Variants in ASB3 observed in about 807,000 individuals in gnomAD.
ASB3 encodes the protein ankyrin repeat and SOCS box containing 3.
Under a neutral mutation model 54.5 loss-of-function variants are expected in ASB3, and 41 were observed. That is an observed-to-expected ratio of 0.75 (90% CI 0.59 to 0.98). ASB3 has a LOEUF of 0.98. ASB3 is among the 50% of genes least tolerant of loss of function. The pLI, the probability that ASB3 is intolerant of heterozygous loss-of-function variation, is 0.00. For missense variants in ASB3, 733 were observed against 620.0 expected, an observed-to-expected ratio of 1.18 and a Z score of -1.94; for synonymous variants, 266 against 221.2, an observed-to-expected ratio of 1.20 and a Z score of -1.80.
rs1674272031 is a variant in ASB3 at position 53,775,455 on chromosome 2, C to G, written c.-13-9870G>C. ...TGTAACCTCTGGCAGAAGCCAAGAACAGGCACCTCCTGGAATTATAATTTT... is the reference window on the plus strand; with the variant it reads ...TGTAACCTCTGGCAGAAGCCAAGAAGAGGCACCTCCTGGAATTATAATTTT... On this transcript the variant is annotated intron_variant, in intron 1 of 9. Coordinates refer to ENST00000263634, the MANE Select transcript of ASB3 (RefSeq NM_016115.5). Among the ~76,000 whole-genome samples the G allele has an allele frequency of 2.0e-5, 3 of 152,122 alleles. 1 individual carries two copies. The South Asian group carries it at 6.2e-4, about 32-fold the overall frequency.
chr2:53,776,407 T>G (rs1176358599), intron 1 of ASB3, among the ~76,000 whole-genome samples: 2 of 152,236 alleles, frequency 1.3e-5, no homozygotes, highest in African/African-American at 4.8e-5. Context: ...ACGCTAAAAG[T>G]TACCTATCAA....
intron 9 of ASB3, among the ~76,000 whole-genome samples, chr2:53,671,755 T>C (rs1667833647): frequency 8.3e-6 from 1 of 120,254 alleles, no homozygotes; most frequent in Non-Finnish European, 1.9e-5. Flanking sequence ...GGGAAACTCC[T>C]TCTCAAAAAA....
intron 3 of ASB3, among the ~76,000 whole-genome samples, chr2:53,743,265 A>G (rs1240061430): frequency 6.7e-6 from 1 of 150,044 alleles, no homozygotes; most frequent in African/African-American, 2.5e-5. Context: ...TCAGCTTCCC[A>G]AAGTGCTGGG....
At chr2:53,768,900 A>G (rs1673689366) in intron 1 of ASB3, among the ~76,000 whole-genome samples, 1 of 152,252 alleles carries the variant, frequency 6.6e-6, no homozygotes, top group Admixed American at 6.5e-5. Flanking sequence ...AAATTGGTCA[A>G]TGGAAAGTGG....
intron 7 of ASB3, among the ~76,000 whole-genome samples, chr2:53,708,101 G>C (rs949704959): frequency 2.0e-5 from 3 of 152,188 alleles, no homozygotes; most frequent in African/African-American, 7.2e-5. Flanking sequence ...GTAATCCCCA[G>C]TGTTGAAGGT....
intron 1 of ASB3, among the ~76,000 whole-genome samples, chr2:53,769,763 G>A (rs1368025520): frequency 3.3e-5 from 5 of 152,174 alleles, no homozygotes; most frequent in Non-Finnish European, 7.4e-5. Flanking sequence ...CAGGAGAATC[G>A]CTTGGGAGGC....
intron 9 of ASB3, among the ~76,000 whole-genome samples, chr2:53,682,149 G>A (rs1668407797): frequency 7.2e-6 from 1 of 138,734 alleles, no homozygotes; most frequent in Non-Finnish European, 1.5e-5. Context: ...GACAAAACGA[G>A]ACTCCGTCTC....
intron 1 of ASB3, chr2:53,774,008 C>A (rs143409423): frequency 1.0e-6 from 1 of 1,001,222 alleles, no homozygotes; most frequent in African/African-American, 1.6e-5. Flanking sequence ...GCACCACAGC[C>A]TGGGCAACAG....
intron 9 of ASB3, among the ~76,000 whole-genome samples, chr2:53,674,149 T>C (rs1052139260): frequency 2.0e-5 from 3 of 152,220 alleles, no homozygotes; most frequent in Non-Finnish European, 2.9e-5. Context: ...AGAAGCTGTA[T>C]GTAAAACATA....
intron 9 of ASB3, among the ~76,000 whole-genome samples, chr2:53,686,128 T>G (rs1001700070): frequency 6.6e-6 from 1 of 152,208 alleles, no homozygotes; most frequent in East Asian, 1.9e-4. Context: ...AAGAAGCCTC[T>G]TGAAGTGCTA....
intron 3 of ASB3, among the ~76,000 whole-genome samples, chr2:53,732,435 T>C (rs567329041): frequency 6.6e-6 from 1 of 152,338 alleles, no homozygotes; most frequent in South Asian, 2.1e-4. Context: ...TCAGTGACTG[T>C]TAGCAAAAAT....
In ASB3 at chr2:53,774,659, C is replaced by T. The variant is rs1172543532; in HGVS notation, c.-13-9074G>A. On this transcript the variant is annotated intron_variant, in intron 1 of 9. Coordinates refer to ENST00000263634, the MANE Select transcript of ASB3 (RefSeq NM_016115.5). ...TTTTAACTGGAAATGTCCTGAAACA[C>T]ATATTTAAAATATTGGGATACAGTG... is the stretch of plus-strand genomic sequence containing the variant. 3.4e-4 allele frequency: 218 copies of T among 643,012 alleles called. No homozygotes were observed. In the East Asian group the frequency reaches 6.8e-3, roughly 20 times the overall value. 39.8% of individuals were successfully genotyped at this position (643,012 alleles called of 1,614,324 possible).
At chr2:53,778,810 C>T (rs10193711) in intron 1 of ASB3, among the ~76,000 whole-genome samples, 23,272 of 152,098 alleles carry the variant, frequency 0.15, 2,005 homozygotes, top group African/African-American at 0.24. Flanking sequence ...AGGTTGATTC[C>T]GTATCTTGGC....
At chr2:53,742,032 A>G (rs1294805882) in intron 3 of ASB3, among the ~76,000 whole-genome samples, 1 of 152,164 alleles carries the variant, frequency 6.6e-6, no homozygotes, top group African/African-American at 2.4e-5. Context: ...GAACAAAACT[A>G]AGTACCAGGA....
At position 53,693,758 on chromosome 2, in the gene ASB3, TAAG is replaced by T. The variant is rs1477422513; in HGVS notation, c.1369+123_1369+125del. 5.6e-5 allele frequency: 76 copies of T among 1,365,682 alleles called. No individual in the cohort carries two copies. The South Asian group carries it at 6.8e-4, about 12-fold the overall frequency. 84.6% of individuals were successfully genotyped at this position (1,365,682 alleles called of 1,614,324 possible). A position where few individuals can be genotyped will look rare whatever the true frequency, so the allele number is the denominator to read the frequency against. On this transcript the variant is annotated intron_variant, in intron 9 of 9. Coordinates refer to ENST00000263634, the MANE Select transcript of ASB3 (RefSeq NM_016115.5). ...CTAACAACCCCATCTTTTCCTCACA[TAAG>T]AAAATGCAAATTATGTCTAATTTGT... is the stretch of plus-strand genomic sequence containing the variant.
intron 9 of ASB3, among the ~76,000 whole-genome samples, chr2:53,678,161 A>G (rs60282090): frequency 0.38 from 57,109 of 150,322 alleles, 11,087 homozygotes; most frequent in South Asian, 0.5. Context: ...GTGTGTGTGC[A>G]TGTGTGTGCC....
Position 53,722,173 on chromosome 2 carries a change from T to C in ASB3, c.605-5430A>G, listed in dbSNP as rs536277896. ...ATATCAAGTTCCAAAACTGAATCCA[T>C]AATAAAAAAAAAAAAAACCTACCAA... On this transcript the variant is annotated intron_variant, in intron 5 of 9. Transcript: ENST00000263634. Among the ~76,000 whole-genome samples the C allele has an allele frequency of 1.4e-3, 208 of 144,872 alleles. 1 individual carries two copies. The highest frequency in any genetic ancestry group is 5.1e-3 in the African/African-American group (202 of 39,410).
intron 1 of ASB3, chr2:53,774,269 C>A: frequency 6.2e-7 from 1 of 1,614,126 alleles, no homozygotes; most frequent in Non-Finnish European, 8.5e-7. Flanking sequence ...AAAGATCCCA[C>A]AACAAAACCA....
At chr2:53,734,890 TA>T (rs1490565423) in intron 3 of ASB3, among the ~76,000 whole-genome samples, 1 of 151,832 alleles carries the variant, frequency 6.6e-6, no homozygotes, top group African/African-American at 2.4e-5. Context: ...AATCTCTATT[TA>T]TTTTTTTATT....
Sources: allele counts gnomAD v4.1 joint callset (sites outside exome capture counted in the v4.1 genomes callset), GRCh38; gene constraint gnomAD v4.1.1; transcripts MANE v1.5; gene names NCBI Gene and HGNC (gene_info 2026-07-23, HGNC 2026-07-21).